The following ITGAM variants were observed in gnomAD, a reference collection of about 807,000 sequenced individuals.
ITGAM encodes the protein integrin alpha-M.
ITGAM carries 79 observed loss-of-function variants against 137.5 expected under a neutral mutation model. The ratio of observed to expected loss-of-function variants is 0.57; its 90% CI spans 0.48 to 0.69. The LOEUF (loss-of-function observed/expected upper bound fraction) is 0.69. ITGAM is among the 30% of genes least tolerant of loss of function. The pLI is 0.00. For missense variants in ITGAM, 1,343 were observed against 1,483.5 expected (o/e 0.91, Z 1.56); for synonymous variants, 583 against 592.3 (o/e 0.98, Z 0.23).
chr16:31,324,652 A>G lies in ITGAM; in HGVS notation c.2159A>G (p.Asn720Ser), dbSNP rs2144491723. Residue 720 changes from asparagine to serine, a missense_variant and splice_region_variant, in exon 18 of 30, where the codon AAT (asparagine) becomes AGT (serine). By Grantham distance (46) the Asn-to-Ser change is conservative. Transcript: ENST00000544665. The surrounding 1 kb of genome is among the most constrained non-coding windows in gnomAD (Gnocchi z 4.5). ...CCCCAAATCCCGGCTATCTCTTAGA[A>G]TTGCATCGAGGACCCAGTGAGCCCC... ...TCETLKLQLP[N>S]CIEDPVSPIV... The G allele has an allele frequency of 1.7e-5, 28 of 1,604,246 alleles. No individual in the cohort carries two copies. Among genetic ancestry groups the G allele is most frequent in the Non-Finnish European group, 2.4e-5 (28 of 1,174,702 alleles).
At chr16:31,327,092 G>A in intron 22 of ITGAM, 157 bp downstream of exon 22, 1 of 692,378 alleles carries the variant, frequency 1.4e-6, no homozygotes, top group South Asian at 1.6e-5. Flanking sequence ...GCTGGGCCTT[G>A]TGCTGAGTGC....
intron 1 of ITGAM, among the ~76,000 whole-genome samples, chr16:31,260,734 C>G (rs2079689458): frequency 6.6e-6 from 1 of 152,134 alleles, no homozygotes; most frequent in African/African-American, 2.4e-5. Flanking sequence ...CTGGACGTGC[C>G]CCACGACGGT....
At chr16:31,268,279 C>A (rs1476243433) in intron 5 of ITGAM, among the ~76,000 whole-genome samples, 2 of 152,182 alleles carry the variant, frequency 1.3e-5, no homozygotes, top group Admixed American at 1.3e-4. Context: ...ACACTTCTAC[C>A]TCTCCCTCTT....
At chr16:31,329,659 T>C (rs780395753) in intron 24 of ITGAM, 139 bp from the exon 25 acceptor site, 3 of 676,524 alleles carry the variant, frequency 4.4e-6, no homozygotes, top group Non-Finnish European at 7.6e-6. Context: ...GAATGCGTAT[T>C]ACATGTACAC....
At chr16:31,327,069 C>T in intron 22 of ITGAM, 134 bp downstream of exon 22, 1 of 756,502 alleles carries the variant, frequency 1.3e-6, no homozygotes, top group South Asian at 1.4e-5. Context: ...CACTCACTGA[C>T]CACCCACCAC....
intron 23 of ITGAM, among the ~76,000 whole-genome samples, chr16:31,328,811 T>C (rs1462055632): frequency 6.6e-6 from 1 of 151,344 alleles, no homozygotes; most frequent in Non-Finnish European, 1.5e-5. Flanking sequence ...TGTGAAGGTC[T>C]ATGTGCATGT....
At chr16:31,287,408 G>A (rs1210433314) in intron 12 of ITGAM, among the ~76,000 whole-genome samples, 1 of 152,110 alleles carries the variant, frequency 6.6e-6, no homozygotes, top group Non-Finnish European at 1.5e-5. Flanking sequence ...GTGAACAATG[G>A]CATTGGTAGT....
At chr16:31,296,800 T>G (rs2080139064) in intron 12 of ITGAM, among the ~76,000 whole-genome samples, 1 of 152,228 alleles carries the variant, frequency 6.6e-6, no homozygotes, top group African/African-American at 2.4e-5. Flanking sequence ...GTTGAATGAA[T>G]GAATAAATGA....
intron 14 of ITGAM, among the ~76,000 whole-genome samples, chr16:31,318,355 T>G (rs2080413888): frequency 6.6e-6 from 1 of 150,394 alleles, no homozygotes; most frequent in South Asian, 2.1e-4. Context: ...TTTTTTTTTT[T>G]TTTTTTGAGA....
intron 2 of ITGAM, among the ~76,000 whole-genome samples, chr16:31,262,342 T>C (rs1416421287): frequency 1.5e-4 from 2 of 13,400 alleles, no homozygotes; most frequent in East Asian, 1.4e-3. Context: ...CTTCCATCCT[T>C]CCTTCCTTCC....
At chr16:31,317,234 T>C (rs759118639) in intron 14 of ITGAM, among the ~76,000 whole-genome samples, 7 of 152,204 alleles carry the variant, frequency 4.6e-5, no homozygotes, top group Non-Finnish European at 1.0e-4. Context: ...CTAGACACTT[T>C]TTTTAATGTT....
Position 31,331,288 on chromosome 16 carries a change from G to GCGCCCC in ITGAM, c.3387+14_3387+15insGCCCCC. On this transcript the variant is annotated intron_variant, in intron 29 of 29. Coordinates refer to ENST00000544665, the MANE Select transcript of ITGAM (RefSeq NM_000632.4). Reference sequence around the variant, plus strand: ...CGCGCTGTACAAGGTGCTCCCCGCTGCTCCCCCACCCCCTCCCTTCATCCT... The same window carrying GCGCCCC: ...CGCGCTGTACAAGGTGCTCCCCGCTGCGCCCCCTCCCCCACCCCCTCCCTTCATCCT... The GCGCCCC allele has an allele frequency of 1.4e-6, 2 of 1,431,782 alleles. No homozygotes were observed. Among genetic ancestry groups the GCGCCCC allele is most frequent in the Non-Finnish European group, 2.0e-6 (2 of 1,021,056 alleles). 88.7% of individuals were successfully genotyped at this position (1,431,782 alleles called of 1,614,324 possible). A position where few individuals can be genotyped will look rare whatever the true frequency, so the allele number is the denominator to read the frequency against.
At chr16:31,322,950 A>G (rs2080465281) in intron 16 of ITGAM, among the ~76,000 whole-genome samples, 1 of 152,178 alleles carries the variant, frequency 6.6e-6, no homozygotes, top group Non-Finnish European at 1.5e-5. Context: ...AGAAAAATAC[A>G]GAAAAACACC....
chr16:31,265,371 C>A, intron 2 of ITGAM, 24 bp from the exon 3 acceptor site: 2 of 1,444,132 alleles, frequency 1.4e-6, no homozygotes, highest in Non-Finnish European at 1.9e-6. Flanking sequence ...TCGAAGTTTT[C>A]TCTGTTCCCA....
At chr16:31,304,676 T>A (rs2080248418) in intron 14 of ITGAM, among the ~76,000 whole-genome samples, 1 of 152,200 alleles carries the variant, frequency 6.6e-6, no homozygotes, top group Non-Finnish European at 1.5e-5. Context: ...CTTCTACATG[T>A]GATTTGCCTG....
At chr16:31,274,437 G>A (rs1164281362) in intron 8 of ITGAM, among the ~76,000 whole-genome samples, 3 of 152,184 alleles carry the variant, frequency 2.0e-5, no homozygotes, top group African/African-American at 7.2e-5. Context: ...GCAAATGCCA[G>A]GCTCTCATCA....
chr16:31,284,311 C>T (rs1044240757), intron 12 of ITGAM, among the ~76,000 whole-genome samples: 1 of 152,198 alleles, frequency 6.6e-6, no homozygotes, highest in Non-Finnish European at 1.5e-5. Flanking sequence ...TTCAGCTATG[C>T]CTTGCCCCCA....
chr16:31,265,025 G>C (rs1319094400), intron 2 of ITGAM, among the ~76,000 whole-genome samples: 1 of 151,890 alleles, frequency 6.6e-6, no homozygotes, highest in Non-Finnish European at 1.5e-5. Context: ...GCACCACCAC[G>C]TGTGGCTAAT....
At chr16:31,284,115 G>A (rs1002735328) in intron 12 of ITGAM, among the ~76,000 whole-genome samples, 6 of 152,200 alleles carry the variant, frequency 3.9e-5, no homozygotes, top group Admixed American at 2.6e-4. Flanking sequence ...GCACCCAGCC[G>A]TATGAGGTGT....
Sources: gnomAD v4.1 joint callset for allele counts (sites outside exome capture counted in the v4.1 genomes callset) on GRCh38, gnomAD v4.1.1 for gene constraint, Gnocchi (gnomAD v3.1) non-coding constraint, MANE v1.5 for transcripts, NCBI Gene and HGNC (gene_info 2026-07-23, HGNC 2026-07-21) for gene names.